SEMA3A: variants seen among roughly 807,000 people sequenced by gnomAD.
SEMA3A encodes semaphorin 3A.
Under a neutral mutation model 97.9 loss-of-function variants are expected in SEMA3A, and 29 were observed. The observed-to-expected ratio is 0.30, with a 90% CI of 0.22 to 0.40. The LOEUF is 0.40. SEMA3A is among the 10% of genes least tolerant of loss of function. SEMA3A has a pLI of 1.00. For synonymous variants in SEMA3A, 321 were observed against 323.7 expected (o/e 0.99, Z 0.09); for missense variants, 763 against 951.3 (o/e 0.80, Z 2.60).
At chr7:84,124,394 G>A (rs1795726485) in intron 3 of SEMA3A, among the ~76,000 whole-genome samples, 1 of 152,120 alleles carries the variant, frequency 6.6e-6, no homozygotes. Context: ...AAATGTTCAG[G>A]TCAGTTCCTA....
chr7:84,033,259 T>C (rs1722203458), intron 6 of SEMA3A, among the ~76,000 whole-genome samples: 2 of 152,204 alleles, frequency 1.3e-5, no homozygotes, highest in African/African-American at 4.8e-5. Flanking sequence ...AAATTCTTAA[T>C]ATGTAGTTAT....
intron 1 of SEMA3A, among the ~76,000 whole-genome samples, chr7:84,380,889 G>A (rs923654267): frequency 6.6e-6 from 1 of 152,120 alleles, no homozygotes; most frequent in African/African-American, 2.4e-5. Context: ...GCTGGGAAAG[G>A]TTCTCTGCTT....
upstream of SEMA3A, among the ~76,000 whole-genome samples, chr7:84,200,050 C>G (rs1481678447): frequency 6.6e-6 from 1 of 151,906 alleles, no homozygotes. Context: ...TCTTCCCTCT[C>G]CCTTTGACTC....
At chr7:84,046,556 C>T in intron 5 of SEMA3A, 113 bp from the exon 6 acceptor site, 1 of 1,145,588 alleles carries the variant, frequency 8.7e-7, no homozygotes, top group Non-Finnish European at 1.3e-6. Flanking sequence ...AAGAGGAAAA[C>T]TGAAATGCTC....
In SEMA3A at chr7:84,134,818, C is replaced by T. The variant is rs149582478; in HGVS notation, c.246G>A (p.Leu82=). Residue 82 remains leucine, a synonymous_variant, in exon 2 of 17, where the codon CTG becomes CTA. Coordinates refer to ENST00000265362, the MANE Select transcript of SEMA3A (RefSeq NM_006080.3). ...GAKDHIFSFD[L]VNIKDFQKIV... ...CCTTTTGAAAATCCTTGATATTAAC[C>T]AGGTCGAATGAAAATATGTGATCCT... 9 of 1,611,140 alleles carry T rather than the reference C, an allele frequency of 5.6e-6. No individual in the cohort carries two copies. The African/African-American group carries it at 1.2e-4, about 22-fold the overall frequency.
chr7:84,352,802 T>C (rs780579146), intron 2 of SEMA3A, among the ~76,000 whole-genome samples: 23 of 151,974 alleles, frequency 1.5e-4, no homozygotes, highest in Middle Eastern at 3.4e-3. Context: ...AGTAAGTAGA[T>C]TGGAGTTAGA....
intron 1 of SEMA3A, among the ~76,000 whole-genome samples, chr7:84,376,584 A>G (rs1427172330): frequency 1.0e-5 from 1 of 99,328 alleles, no homozygotes; most frequent in African/African-American, 3.8e-5. Context: ...AGCCTGGGCG[A>G]CAGAGCGAGA....
intron 3 of SEMA3A, among the ~76,000 whole-genome samples, chr7:84,246,430 G>T (rs62477032): frequency 0.016 from 2,419 of 152,104 alleles, 35 homozygotes; most frequent in South Asian, 0.024. Context: ...TGTTCATATG[G>T]TTTTGCTAAA....
At chr7:84,491,803 C>T (rs145451069) in intron 1 of SEMA3A, among the ~76,000 whole-genome samples, 4 of 152,218 alleles carry the variant, frequency 2.6e-5, no homozygotes, top group Non-Finnish European at 5.9e-5. Flanking sequence ...ACTAAAAAGT[C>T]AAAGTTGAGA....
intron 3 of SEMA3A, among the ~76,000 whole-genome samples, chr7:84,212,602 T>C (rs1798657766): frequency 1.3e-5 from 2 of 152,190 alleles, no homozygotes; most frequent in African/African-American, 4.8e-5. Context: ...GATAAATTTC[T>C]CCCAGAATTT....
intron 3 of SEMA3A, among the ~76,000 whole-genome samples, chr7:84,248,398 C>T (rs975719372): frequency 2.0e-5 from 3 of 152,110 alleles, no homozygotes; most frequent in Non-Finnish European, 2.9e-5. Flanking sequence ...GCTATATGCC[C>T]GGCATGCAAA....
At chr7:84,246,969 C>T (rs894474487) in intron 3 of SEMA3A, among the ~76,000 whole-genome samples, 3 of 151,930 alleles carry the variant, frequency 2.0e-5, no homozygotes, top group African/African-American at 7.3e-5. Context: ...AAAGGGATGA[C>T]ATGATTATAA....
chr7:84,291,251 ATTTC>A (rs1409125041), intron 3 of SEMA3A, among the ~76,000 whole-genome samples: 2 of 152,034 alleles, frequency 1.3e-5, no homozygotes, highest in Non-Finnish European at 2.9e-5. Flanking sequence ...ATTACTTAGT[ATTTC>A]TTTGTGTAAA....
intron 2 of SEMA3A, among the ~76,000 whole-genome samples, chr7:84,360,345 T>A (rs1802684989): frequency 6.6e-6 from 1 of 152,152 alleles, no homozygotes; most frequent in African/African-American, 2.4e-5. Flanking sequence ...ATGTTGTGTC[T>A]CTGTTCTCGT....
chr7:84,059,914 A>G (rs572807581), intron 5 of SEMA3A, among the ~76,000 whole-genome samples: 2 of 152,266 alleles, frequency 1.3e-5, no homozygotes, highest in South Asian at 4.1e-4. Context: ...TTATTTTTCA[A>G]TACAGACTAA....
intron 1 of SEMA3A, among the ~76,000 whole-genome samples, chr7:84,182,679 A>G (rs1411050493): frequency 6.6e-6 from 1 of 152,160 alleles, no homozygotes; most frequent in Non-Finnish European, 1.5e-5. Context: ...CCTTGAATTT[A>G]TGCTTAACAC....
At chr7:84,422,206 G>T (rs760077924) in intron 1 of SEMA3A, among the ~76,000 whole-genome samples, 1 of 151,962 alleles carries the variant, frequency 6.6e-6, no homozygotes, top group Non-Finnish European at 1.5e-5. Flanking sequence ...CTTGTTGCTG[G>T]TCTATTCAGG....
intron 3 of SEMA3A, among the ~76,000 whole-genome samples, chr7:84,258,247 T>G (rs975865653): frequency 1.3e-5 from 2 of 152,146 alleles, no homozygotes; most frequent in Non-Finnish European, 2.9e-5. Context: ...GCAATCCTTC[T>G]GATATAAGCT....
At chr7:84,330,135 T>C (rs958570807) in intron 2 of SEMA3A, among the ~76,000 whole-genome samples, 2 of 152,058 alleles carry the variant, frequency 1.3e-5, no homozygotes, top group Admixed American at 6.6e-5. Context: ...CAATTTATTT[T>C]AAGGCATCAC....
Sources: allele counts gnomAD v4.1 joint callset (sites outside exome capture counted in the v4.1 genomes callset), GRCh38; gene constraint gnomAD v4.1.1; transcripts MANE v1.5; gene names NCBI Gene and HGNC (gene_info 2026-07-23, HGNC 2026-07-21).